The following MRTFA variants were observed in gnomAD, a reference collection of about 807,000 sequenced individuals.
The protein encoded by MRTFA is myocardin-related transcription factor A.
Under a neutral mutation model 83.5 loss-of-function variants are expected in MRTFA, and 20 were observed. That is an observed-to-expected ratio of 0.24 (90% CI 0.17 to 0.35). The LOEUF (loss-of-function observed/expected upper bound fraction) is 0.35. MRTFA is among the 10% of genes least tolerant of loss of function. The pLI is 1.00. For synonymous variants in MRTFA, 659 were observed against 541.2 expected, an observed-to-expected ratio of 1.22 and a Z score of -3.02; for missense variants, 1,200 against 1,224.7, an observed-to-expected ratio of 0.98 and a Z score of 0.30.
chr22:40,622,536 A>G (rs2147437254), intron 1 of MRTFA, among the ~76,000 whole-genome samples: 1 of 152,020 alleles, frequency 6.6e-6, no homozygotes, highest in South Asian at 2.1e-4. Context: ...TGTCCTTACA[A>G]GAGAAGAGGG....
chr22:40,635,949 C>T (rs1854397127), intron 1 of MRTFA, among the ~76,000 whole-genome samples: 1 of 152,166 alleles, frequency 6.6e-6, no homozygotes, highest in Non-Finnish European at 1.5e-5. Context: ...TCCTGACAGA[C>T]GCTTTCTTAG....
intron 10 of MRTFA, 34 bp downstream of exon 10, chr22:40,420,813 G>A (rs748640507): frequency 6.2e-7 from 1 of 1,610,322 alleles, no homozygotes; most frequent in Admixed American, 1.7e-5. Context: ...GGCTCGGGGA[G>A]GGCAGGGGCA....
rs1057305148 is a variant in MRTFA, at chr22:40,514,433, G to A, written c.241+37673C>T. Among the ~76,000 whole-genome samples, 45 of 151,632 alleles carry A rather than the reference G, an allele frequency of 3.0e-4. 1 individual carries two copies. The highest frequency in any genetic ancestry group is 1.5e-3 in the Admixed American group (23 of 15,230). Reference sequence around the variant, plus strand: ...TTTCTTAAAATGAATGGTGGGGAGGGGGGAGTTACAGATGGCCAAAAACAA... The same window carrying A: ...TTTCTTAAAATGAATGGTGGGGAGGAGGGAGTTACAGATGGCCAAAAACAA... On this transcript the variant is annotated intron_variant, in intron 3 of 14. Coordinates refer to ENST00000355630, the MANE Select transcript of MRTFA (RefSeq NM_020831.6).
intron 3 of MRTFA, among the ~76,000 whole-genome samples, chr22:40,493,227 A>G (rs558331897): frequency 1.3e-5 from 2 of 152,320 alleles, no homozygotes; most frequent in Admixed American, 1.3e-4. Flanking sequence ...ACCTAAACAG[A>G]AGGGGGAAGA....
chr22:40,411,152 G>C lies in MRTFA; in HGVS notation c.*238C>G, dbSNP rs2052519814. The C allele has an allele frequency of 2.4e-6, 1 of 418,288 alleles. No individual in the cohort carries two copies. Among genetic ancestry groups the C allele is most frequent in the Admixed American group, 4.0e-5 (1 of 25,170 alleles). The allele number at this position is 418,288 out of a possible 1,614,324, so 25.9% of individuals were successfully genotyped here. A position where few individuals can be genotyped will look rare whatever the true frequency, so the allele number is the denominator to read the frequency against. On this transcript the variant is annotated 3_prime_UTR_variant, in exon 15 of 15. Coordinates refer to ENST00000355630, the MANE Select transcript of MRTFA (RefSeq NM_020831.6). Reference sequence around the variant, plus strand: ...GAAATGGCCCTGACCCTGACCGTGTGTCCAAAACCCCAGCGTGAGAGCCAG... The same window carrying C: ...GAAATGGCCCTGACCCTGACCGTGTCTCCAAAACCCCAGCGTGAGAGCCAG...
In MRTFA at chr22:40,496,245, T is replaced by C. The variant is rs183226723; in HGVS notation, c.242-32959A>G. Among the ~76,000 whole-genome samples the C allele has an allele frequency of 8.8e-4, 134 of 152,258 alleles. 1 individual carries two copies. The Middle Eastern group carries it at 0.02, about 23-fold the overall frequency. Reference sequence around the variant, plus strand: ...AAGTAACAGTTTCACCTCAGATCCATAATAAATGCATTTTAAGTAAAGGAC... The same window carrying C: ...AAGTAACAGTTTCACCTCAGATCCACAATAAATGCATTTTAAGTAAAGGAC... On this transcript the variant is annotated intron_variant, in intron 3 of 14. Coordinates refer to ENST00000355630, the MANE Select transcript of MRTFA (RefSeq NM_020831.6).
chr22:40,507,205 C>CA (rs1569302619), intron 3 of MRTFA, among the ~76,000 whole-genome samples: 1 of 151,900 alleles, frequency 6.6e-6, no homozygotes, highest in African/African-American at 2.4e-5. Context: ...ACAAAAAATA[C>CA]AAAAAATTAG....
At chr22:40,514,200 A>G (rs1292552353) in intron 3 of MRTFA, among the ~76,000 whole-genome samples, 1 of 151,760 alleles carries the variant, frequency 6.6e-6, no homozygotes, top group Admixed American at 6.6e-5. Flanking sequence ...GCAGTGAGCC[A>G]AGATCACGCC....
intron 3 of MRTFA, among the ~76,000 whole-genome samples, chr22:40,547,348 G>A (rs2055380496): frequency 6.6e-6 from 1 of 151,770 alleles, no homozygotes; most frequent in Non-Finnish European, 1.5e-5. Flanking sequence ...AATAATAAGG[G>A]CTTTGAAGAA....
chr22:40,587,411 C>T (rs900788447), intron 2 of MRTFA: 4 of 342,814 alleles, frequency 1.2e-5, no homozygotes, highest in Middle Eastern at 1.0e-3. Context: ...GCGCTGGATA[C>T]GATGGTTTCT....
intron 4 of MRTFA, among the ~76,000 whole-genome samples, chr22:40,446,527 C>T (rs1427577824): frequency 6.6e-6 from 1 of 152,088 alleles, no homozygotes; most frequent in African/African-American, 2.4e-5. Flanking sequence ...CTGAGGAGGG[C>T]CACAGAGGCA....
intron 2 of MRTFA, among the ~76,000 whole-genome samples, chr22:40,583,794 C>A (rs1220243926): frequency 6.6e-6 from 1 of 152,132 alleles, no homozygotes; most frequent in Non-Finnish European, 1.5e-5. Context: ...CAAAACCTTG[C>A]CCCCCTGCCT....
At chr22:40,625,339 G>T (rs2056569046) in intron 1 of MRTFA, among the ~76,000 whole-genome samples, 1 of 151,730 alleles carries the variant, frequency 6.6e-6, no homozygotes, top group Admixed American at 6.6e-5. Flanking sequence ...AAATAGGAGG[G>T]GTGTGTTGGC....
chr22:40,498,082 G>C (rs1165924213), intron 3 of MRTFA, among the ~76,000 whole-genome samples: 1 of 151,760 alleles, frequency 6.6e-6, no homozygotes, highest in Non-Finnish European at 1.5e-5. Context: ...GGAGGGTGCA[G>C]TAAGCCAAGA....
intron 2 of MRTFA, among the ~76,000 whole-genome samples, chr22:40,571,982 C>A: frequency 1.7e-5 from 2 of 119,384 alleles, no homozygotes; most frequent in Admixed American, 8.1e-5. Context: ...AAATGCTCAA[C>A]ATCACTAGTC....
Position 40,418,497 on chromosome 22 carries a change from G to A in MRTFA, c.2241C>T (p.Pro747=), listed in dbSNP as rs774857434. The A allele has an allele frequency of 3.4e-5, 54 of 1,602,910 alleles. No individual in the cohort carries two copies. The highest frequency in any genetic ancestry group is 1.1e-4 in the African/African-American group (8 of 74,332). Residue 747 remains proline, a synonymous_variant, in exon 12 of 15, where the codon CCC becomes CCT. Coordinates refer to ENST00000355630, the MANE Select transcript of MRTFA (RefSeq NM_020831.6). ...GAGGTGCAACCCCCTTGATGAGGCT[G>A]GGGCCCTGAGGCCCCAGAAGCAACT...
At position 40,533,196 on chromosome 22, in the gene MRTFA, T is replaced by C. The variant is rs560299792; in HGVS notation, c.241+18910A>G. Among the ~76,000 whole-genome samples the C allele has an allele frequency of 7.6e-4, 116 of 152,198 alleles. 1 individual carries two copies. Among genetic ancestry groups the C allele is most frequent in the Non-Finnish European group, 1.3e-3 (90 of 68,030 alleles). On this transcript the variant is annotated intron_variant, in intron 3 of 14. Transcript: ENST00000355630. ...GAAAGAACAGCTAAGAAAAAAAATT[T>C]AAAGATGCTTTCATAAAAACATAGA...
chr22:40,495,426 T>C (rs574188120), intron 3 of MRTFA, among the ~76,000 whole-genome samples: 16 of 145,952 alleles, frequency 1.1e-4, no homozygotes, highest in African/African-American at 3.8e-4. Flanking sequence ...CACTCCAGCC[T>C]GGGCCACAGA....
At chr22:40,608,497 T>C (rs2056345607) in intron 1 of MRTFA, among the ~76,000 whole-genome samples, 2 of 152,214 alleles carry the variant, frequency 1.3e-5, no homozygotes, top group African/African-American at 4.8e-5. Flanking sequence ...ATGGGATAAT[T>C]ACAGTGCACC....
Sources: allele counts gnomAD v4.1 joint callset (sites outside exome capture counted in the v4.1 genomes callset), GRCh38; gene constraint gnomAD v4.1.1; transcripts MANE v1.5; gene names NCBI Gene and HGNC (gene_info 2026-07-23, HGNC 2026-07-21).